The following ANTXRL variants were observed in gnomAD, a reference collection of about 807,000 sequenced individuals.
The protein encoded by ANTXRL is anthrax toxin receptor-like.
Under a neutral mutation model 75.4 loss-of-function variants are expected in ANTXRL, and 63 were observed. The ratio of observed to expected loss-of-function variants is 0.84; its 90% confidence interval spans 0.68 to 1.03. The LOEUF (loss-of-function observed/expected upper bound fraction) is 1.03, where lower values mean the gene tolerates loss of function less well. Among genes scored for constraint, ANTXRL ranks in the 50% least tolerant of loss-of-function variants. ANTXRL has a pLI of 0.00. For missense variants in ANTXRL, 797 were observed against 789.4 expected, an observed-to-expected ratio of 1.01 and a Z score of -0.12; for synonymous variants, 335 against 291.3, an observed-to-expected ratio of 1.15 and a Z score of -1.53.
chr10:46,313,363 T>A, intron 16 of ANTXRL, 47 bp downstream of exon 16: 1 of 1,506,218 alleles, frequency 6.6e-7, no homozygotes, highest in African/African-American at 1.4e-5. Context: ...AGGCCACTGC[T>A]TTTCCCCTGA....
chr10:46,329,054 C>T (rs1839364014), intron 16 of ANTXRL, among the ~76,000 whole-genome samples: 1 of 152,152 alleles, frequency 6.6e-6, no homozygotes, highest in Non-Finnish European at 1.5e-5. Context: ...TGGGTGGTGC[C>T]TGGCTACACT....
chr10:46,306,440 A>G (rs1200002749), intron 10 of ANTXRL, among the ~76,000 whole-genome samples: 2 of 152,186 alleles, frequency 1.3e-5, no homozygotes, highest in Non-Finnish European at 2.9e-5. Context: ...GAAGTCATGC[A>G]TAATGAAGCG....
intron 10 of ANTXRL, among the ~76,000 whole-genome samples, chr10:46,305,328 A>C (rs1381525543): frequency 6.6e-6 from 1 of 152,190 alleles, no homozygotes; most frequent in Admixed American, 6.5e-5. Context: ...TAACAAACAG[A>C]GAGAGTGTCT....
rs545051018 is a variant in ANTXRL, at chr10:46,301,696, A to G, written c.797-1026A>G. Among the ~76,000 whole-genome samples, 5 of 152,246 alleles carry G rather than the reference A, an allele frequency of 3.3e-5. No individual in the cohort carries two copies. In the East Asian group the frequency reaches 7.7e-4, roughly 24 times the overall value. On this transcript the variant is annotated intron_variant, in intron 9 of 16. Transcript: ENST00000620264. ...GGTTAATGTTCAGGCTTTTAACTGC[A>G]GGCTCCCATTTTGAAAGCCTCAGAA...
chr10:46,293,936 T>A (rs191611330), intron 3 of ANTXRL, 36 bp downstream of exon 3: 30 of 1,528,986 alleles, frequency 2.0e-5, no homozygotes, highest in Non-Finnish European at 2.5e-5. Flanking sequence ...GGAGGCCTGA[T>A]GAGCTTGGCC....
At chr10:46,319,497 A>G (rs1463980890) in intron 16 of ANTXRL, among the ~76,000 whole-genome samples, 1 of 152,144 alleles carries the variant, frequency 6.6e-6, no homozygotes, top group Non-Finnish European at 1.5e-5. Flanking sequence ...CTCCTTAACA[A>G]TGTTTCTTAT....
At chr10:46,307,570 G>C (rs1554962259) in intron 12 of ANTXRL, 90 bp downstream of exon 12, 1 of 1,256,250 alleles carries the variant, frequency 8.0e-7, no homozygotes, top group Non-Finnish European at 1.1e-6. Flanking sequence ...ACCGTTCCCA[G>C]GCAGTCCCAG....
At chr10:46,293,687 C>G in intron 2 of ANTXRL, 142 bp from the exon 3 acceptor site, 1 of 698,092 alleles carries the variant, frequency 1.4e-6, no homozygotes, top group Non-Finnish European at 2.4e-6. Flanking sequence ...CAGAGTCCTT[C>G]ACTACATTTA....
intron 1 of ANTXRL, among the ~76,000 whole-genome samples, chr10:46,288,500 G>A (rs1450357854): frequency 1.3e-5 from 2 of 152,072 alleles, no homozygotes; most frequent in South Asian, 2.1e-4. Context: ...GTTAGGGGAC[G>A]TGTACCCCAG....
At chr10:46,311,424 C>G (rs1359191456) in intron 14 of ANTXRL, 86 bp from the exon 15 acceptor site, 1 of 1,412,190 alleles carries the variant, frequency 7.1e-7, no homozygotes, top group Non-Finnish European at 9.2e-7. Context: ...CTTTCTGGTC[C>G]TTTCATTCCC....
At chr10:46,288,162 C>T (rs1272142213) in intron 1 of ANTXRL, among the ~76,000 whole-genome samples, 4 of 152,138 alleles carry the variant, frequency 2.6e-5, no homozygotes, top group African/African-American at 9.7e-5. Flanking sequence ...GGAGAGATTG[C>T]CTTGGTTCCC....
chr10:46,303,649 A>G (rs1374807076), intron 10 of ANTXRL, among the ~76,000 whole-genome samples: 1 of 152,126 alleles, frequency 6.6e-6, no homozygotes, highest in African/African-American at 2.4e-5. Context: ...AAGTAAGCAA[A>G]ATCACATGCG....
intron 2 of ANTXRL, 111 bp from the exon 3 acceptor site, chr10:46,293,718 C>A: frequency 1.1e-6 from 1 of 871,966 alleles, no homozygotes; most frequent in South Asian, 1.6e-5. Context: ...TTGTGTCCAG[C>A]AAGGGGCTCC....
chr10:46,297,775 G>T (rs1309325788), intron 7 of ANTXRL, 56 bp from the exon 8 acceptor site: 8 of 1,440,642 alleles, frequency 5.6e-6, no homozygotes, highest in Non-Finnish European at 6.6e-6. Context: ...TGGGCCGGGG[G>T]TCTGCTGCAT....
intron 16 of ANTXRL, among the ~76,000 whole-genome samples, chr10:46,315,648 G>A (rs1838685651): frequency 6.6e-6 from 1 of 152,188 alleles, no homozygotes; most frequent in Non-Finnish European, 1.5e-5. Context: ...ACTTGGCATT[G>A]TGGGCTGACC....
chr10:46,323,402 G>A (rs2132907707), intron 16 of ANTXRL, among the ~76,000 whole-genome samples: 1 of 152,322 alleles, frequency 6.6e-6, no homozygotes, highest in South Asian at 2.1e-4. Context: ...GTCAGGAAGA[G>A]TTAATACAAT....
intron 10 of ANTXRL, 30 bp from the exon 11 acceptor site, chr10:46,306,773 T>TG: frequency 6.7e-7 from 1 of 1,502,286 alleles, no homozygotes. Context: ...ACAGGTGCAC[T>TG]GACATTCTTC....
intron 16 of ANTXRL, among the ~76,000 whole-genome samples, chr10:46,322,423 A>C (rs1412467159): frequency 1.3e-5 from 2 of 150,784 alleles, no homozygotes; most frequent in Non-Finnish European, 2.9e-5. Flanking sequence ...GCACCACTGC[A>C]CTCCAGCCTG....
chr10:46,305,508 C>A (rs1384021560), intron 10 of ANTXRL, among the ~76,000 whole-genome samples: 3 of 152,142 alleles, frequency 2.0e-5, no homozygotes, highest in Non-Finnish European at 4.4e-5. Flanking sequence ...GCAAAAAAGT[C>A]AATACCACGG....
Sources: allele counts gnomAD v4.1 joint callset (sites outside exome capture counted in the v4.1 genomes callset), GRCh38; gene constraint gnomAD v4.1.1; transcripts MANE v1.5; gene names NCBI Gene and HGNC (gene_info 2026-07-23, HGNC 2026-07-21).